Variants in HELZ2 observed in about 807,000 individuals in gnomAD.
HELZ2 encodes the protein 3'-5' exoribonuclease HELZ2.
HELZ2 carries 143 observed loss-of-function variants against 208.8 expected under a neutral mutation model. The observed-to-expected ratio is 0.68, with a 90% CI of 0.60 to 0.79. The LOEUF is 0.79. HELZ2 is among the 30% of genes least tolerant of loss of function. The probability of loss-of-function intolerance (pLI) is 0.00; values close to 1 mark genes in which losing one functional copy is unlikely to be tolerated. For synonymous variants in HELZ2, 1,705 were observed against 1,693.7 expected (o/e 1.01, Z -0.16); for missense variants, 3,690 against 3,794.5 (o/e 0.97, Z 0.72).
In HELZ2 at chr20:63,560,219, G is replaced by A. The variant is rs776603657; in HGVS notation, c.7609C>T (p.Arg2537Ter). ...ACGGCCACCCCGGCGATGCCCTCTCGCCGAAGGGCCTTGCTGATCTCAGAG... is the reference window on the plus strand; with the variant it reads ...ACGGCCACCCCGGCGATGCCCTCTCACCGAAGGGCCTTGCTGATCTCAGAG... The change falls in exon 17 of 19, where the codon CGA becomes TGA. Residue 2537 changes from arginine (R) to a stop codon, truncating the protein, a stop_gained. Transcript: ENST00000467148. LOFTEE classifies it high-confidence loss of function. The A allele has an allele frequency of 1.7e-5, 27 of 1,555,878 alleles. No individual in the cohort carries two copies. Among genetic ancestry groups the A allele is most frequent in the East Asian group, 4.8e-5 (2 of 41,774 alleles).
exon 8 of HELZ2, chr20:63,564,761 T>G: frequency 6.2e-7 from 1 of 1,611,928 alleles, no homozygotes; most frequent in South Asian, 1.1e-5. Context: ...GAGGGCATCA[T>G]CGAGGTTGCA....
chr20:63,566,009 C>T (rs1344458492), exon 8 of HELZ2: 22 of 1,596,628 alleles, frequency 1.4e-5, no homozygotes, highest in East Asian at 4.5e-5. Context: ...GACACTGTGC[C>T]GCTCCACGCA....
chr20:63,568,635 C>A, exon 5 of HELZ2: 1 of 1,603,670 alleles, frequency 6.2e-7, no homozygotes, highest in South Asian at 1.1e-5. Flanking sequence ...AGTGTGTCCA[C>A]TGCCTGGTGC....
At chr20:63,562,898 G>C in exon 8 of HELZ2, 1 of 1,599,626 alleles carries the variant, frequency 6.3e-7, no homozygotes, top group Non-Finnish European at 8.5e-7. Context: ...CGTCCGTGAC[G>C]CCTCCCAGGA....
exon 5 of HELZ2, chr20:63,568,942 G>A (rs2082991680): frequency 6.2e-7 from 1 of 1,607,006 alleles, no homozygotes; most frequent in Non-Finnish European, 8.5e-7. Flanking sequence ...CGAAGAGCAT[G>A]TTCAGCGCTG....
At position 63,570,617 on chromosome 20, in the gene HELZ2, T is replaced by TGGAAGTCTA; in HGVS notation, c.463-15_463-7dup. 6.2e-7 allele frequency: 1 copy of TGGAAGTCTA among 1,606,218 alleles called. No homozygotes were observed. Among genetic ancestry groups the TGGAAGTCTA allele is most frequent in the Non-Finnish European group, 8.5e-7 (1 of 1,174,652 alleles). On this transcript the variant is annotated splice_region_variant and splice_polypyrimidine_tract_variant and intron_variant, in intron 2 of 18. Transcript: ENST00000467148. ...CCATCAAGGGTCTCTGCCAGCTGCG[T>TGGAAGTCTA]GGAAGTCTAGCCTTCAGCAAGAGGC...
chr20:63,561,098 A>G (rs1354621934), exon 14 of HELZ2: 1 of 1,612,086 alleles, frequency 6.2e-7, no homozygotes, highest in Admixed American at 1.7e-5. Context: ...GGCCTGTGGG[A>G]ACTGCACCAG....
At chr20:63,568,812 G>A (rs2082990191) in exon 5 of HELZ2, 2 of 1,612,108 alleles carry the variant, frequency 1.2e-6, no homozygotes, top group African/African-American at 1.3e-5. Flanking sequence ...GTATTGTCGG[G>A]TGCAGGTACA....
downstream of HELZ2, chr20:63,559,140 GAGGCAGGCTGGCCC>G (rs1314340178): frequency 1.3e-5 from 16 of 1,261,894 alleles, no homozygotes; most frequent in South Asian, 4.7e-5. Context: ...CTGAGGCCAG[GAGGCAGGCTGGCCC>G]AGGCAGGCTG....
In HELZ2 at chr20:63,565,631, C is replaced by T; in HGVS notation, c.3191G>A (p.Trp1064Ter). Residue 1064 changes from tryptophan (W) to a stop codon, truncating the protein, a stop_gained, in exon 8 of 19, where the codon TGG becomes TAG. Coordinates refer to ENST00000467148, the Ensembl canonical transcript of HELZ2. LOFTEE classifies it high-confidence loss of function. ...GTCGTCAGCGTTGAGCTCCCCGTCC[C>T]ACGGCCAGAAGTCAGCCTCTGCATC... The T allele has an allele frequency of 6.2e-7, 1 of 1,610,816 alleles. No homozygotes were observed. The highest frequency in any genetic ancestry group is 8.5e-7 in the Non-Finnish European group (1 of 1,179,810).
Position 63,564,477 on chromosome 20 carries a change from C to A in HELZ2, c.4345G>T (p.Val1449Leu), listed in dbSNP as rs116432692. 1.9e-6 allele frequency: 3 copies of A among 1,583,172 alleles called. No individual in the cohort carries two copies. The South Asian group carries it at 3.4e-5, about 18-fold the overall frequency. ...GACAGCTGGCGGTCAGACTGGACCA[C>A]GGAGGGTGCAAAGCGCAGGCTCTTC... Residue 1449 changes from valine (V) to leucine (L), a missense_variant, in exon 8 of 19, where the codon GTG becomes TTG. Physicochemically the swap from Val to Leu is conservative, Grantham distance 32. Coordinates refer to ENST00000467148, the Ensembl canonical transcript of HELZ2.
chr20:63,560,935 G>A lies in HELZ2; in HGVS notation c.7147-6C>T. 1 of 1,612,292 alleles carries A rather than the reference G, an allele frequency of 6.2e-7. No individual in the cohort carries two copies. Among genetic ancestry groups the A allele is most frequent in the Non-Finnish European group, 8.5e-7 (1 of 1,179,606 alleles). On this transcript the variant is annotated splice_region_variant and splice_polypyrimidine_tract_variant and intron_variant, in intron 14 of 18. Coordinates refer to ENST00000467148, the Ensembl canonical transcript of HELZ2. ...TGGTCTCCGAGAAGAACCACCTGGA[G>A]GAATAGGCAGGCCTGGCCCTGACAC...
chr20:63,567,697 G>A, intron 5 of HELZ2, 70 bp from the exon 7 acceptor site: 1 of 1,519,032 alleles, frequency 6.6e-7, no homozygotes, highest in Non-Finnish European at 8.8e-7. Context: ...AGCACCTACT[G>A]TGTGCCCAGC....
intron 3 of HELZ2, 139 bp from the exon 5 acceptor site, chr20:63,569,804 C>T (rs1248237320): frequency 2.8e-5 from 27 of 973,146 alleles, no homozygotes; most frequent in Middle Eastern, 3.3e-4. Context: ...GCAGGCCACC[C>T]GGCCTCTGCC....
intron 18 of HELZ2, among the ~76,000 whole-genome samples, 189 bp downstream of exon 19, chr20:63,559,719 CAGTCAGGGTCAGGTGGGAGG>C (rs2082862137): frequency 7.6e-5 from 5 of 65,460 alleles, no homozygotes; most frequent in African/African-American, 1.9e-4. Flanking sequence ...AGGTGGGAGT[CAGTCAGGGTCAGGTGGGAGG>C]AGTCAGGGTC....
chr20:63,564,286 CTCGTCCGGCT>C lies in HELZ2; in HGVS notation c.4526_4535del (p.Gln1509ArgfsTer14). On this transcript the variant is annotated frameshift_variant, in exon 8 of 19. Coordinates refer to ENST00000467148, the Ensembl canonical transcript of HELZ2. LOFTEE classifies it high-confidence loss of function. ...CCGCGCGGAAGCCCAGGGTGCCGTC[CTCGTCCGGCT>C]GCTCATAGAAGCAGTCGGACCGCAG... is the stretch of plus-strand genomic sequence containing the variant. The C allele has an allele frequency of 6.2e-7, 1 of 1,608,968 alleles. No homozygotes were observed. Among genetic ancestry groups the C allele is most frequent in the South Asian group, 1.1e-5 (1 of 90,590 alleles).
intron 6 of HELZ2, 129 bp downstream of exon 7, chr20:63,566,714 TG>T: frequency 1.1e-6 from 1 of 949,348 alleles, no homozygotes; most frequent in Non-Finnish European, 1.5e-6. Context: ...ACCTCAGCCC[TG>T]GGAGGCAAAT....
rs1035167483 is a variant in HELZ2, at chr20:63,566,367, T to C, written c.2590+11A>G. The C allele has an allele frequency of 3.2e-6, 5 of 1,547,570 alleles. No homozygotes were observed. Among genetic ancestry groups the C allele is most frequent in the Non-Finnish European group, 1.7e-6 (2 of 1,146,370 alleles). On this transcript the variant is annotated intron_variant, in intron 7 of 18. Transcript: ENST00000467148. ...GGCAGCTGGCAGCACCTGGCCCCGC[T>C]GGTCACCCACCTGGCAGGATCTCAA...
At chr20:63,565,661 G>C in exon 8 of HELZ2, 1 of 1,610,246 alleles carries the variant, frequency 6.2e-7, no homozygotes, top group Non-Finnish European at 8.5e-7. Flanking sequence ...TGCATCCTCA[G>C]CCTCCGTGGA....
Sources: allele counts gnomAD v4.1 joint callset (sites outside exome capture counted in the v4.1 genomes callset), GRCh38; gene constraint gnomAD v4.1.1; transcripts MANE v1.5; gene names NCBI Gene and HGNC (gene_info 2026-07-23, HGNC 2026-07-21).